Variants in CCR3 observed in about 807,000 individuals in gnomAD.
CCR3 encodes the protein C-C motif chemokine receptor 3.
For missense variants in CCR3, 419 were observed against 437.5 expected, an observed-to-expected ratio of 0.96 and a Z score of 0.38; for synonymous variants, 203 against 179.2, an observed-to-expected ratio of 1.13 and a Z score of -1.06.
At chr3:46,246,969 G>C (rs1323862039) in intron 1 of CCR3, among the ~76,000 whole-genome samples, 1 of 151,964 alleles carries the variant, frequency 6.6e-6, no homozygotes, top group East Asian at 1.9e-4. Flanking sequence ...AATGATTGGT[G>C]ATGGCCTGGA....
At position 46,266,287 on chromosome 3, in the gene CCR3, C is replaced by G. The variant is rs1022542549; in HGVS notation, c.*61C>G. ...AAGGAGATGAAGCAAACACATTAAGCCTTCCACACTCACCTCTAAAACAGT... is the reference window on the plus strand; with the variant it reads ...AAGGAGATGAAGCAAACACATTAAGGCTTCCACACTCACCTCTAAAACAGT... On this transcript the variant is annotated 3_prime_UTR_variant, in exon 2 of 2. Transcript: ENST00000395940. 4 of 1,030,158 alleles carry G rather than the reference C, an allele frequency of 3.9e-6. No homozygotes were observed. The African/African-American group carries it at 4.8e-5, about 12-fold the overall frequency. 63.8% of individuals were successfully genotyped at this position (1,030,158 alleles called of 1,614,324 possible).
At chr3:46,227,561 T>C (rs1440283288) in intron 2 of CCR3, among the ~76,000 whole-genome samples, 1 of 152,154 alleles carries the variant, frequency 6.6e-6, no homozygotes, top group African/African-American at 2.4e-5. Context: ...TCCTTTCTAC[T>C]TGTTTTGAGT....
At chr3:46,246,682 T>G (rs1700197386) in intron 1 of CCR3, among the ~76,000 whole-genome samples, 1 of 152,126 alleles carries the variant, frequency 6.6e-6, no homozygotes, top group Non-Finnish European at 1.5e-5. Flanking sequence ...TATGTGCAAG[T>G]CACAGGGGAT....
chr3:46,212,932 C>G (rs908903695), intron 2 of CCR3, among the ~76,000 whole-genome samples: 1 of 152,162 alleles, frequency 6.6e-6, no homozygotes, highest in African/African-American at 2.4e-5. Flanking sequence ...AGGGGGAGAC[C>G]TGTGTTGAAA....
intron 1 of CCR3, among the ~76,000 whole-genome samples, chr3:46,262,804 G>A (rs1479199838): frequency 2.6e-5 from 4 of 152,000 alleles, no homozygotes; most frequent in Non-Finnish European, 2.9e-5. Flanking sequence ...ACACGTATGC[G>A]CCACCATGCC....
chr3:46,212,775 G>A (rs977339611), intron 2 of CCR3, among the ~76,000 whole-genome samples: 4 of 152,122 alleles, frequency 2.6e-5, no homozygotes, highest in African/African-American at 9.7e-5. Context: ...GTGAAAGAGG[G>A]CATTGGGCAC....
At chr3:46,222,853 G>A (rs1273913143) in intron 2 of CCR3, among the ~76,000 whole-genome samples, 1 of 152,224 alleles carries the variant, frequency 6.6e-6, no homozygotes, top group East Asian at 1.9e-4. Context: ...TTCAGCCGAT[G>A]GGAGCTACGT....
intron 2 of CCR3, among the ~76,000 whole-genome samples, chr3:46,224,405 T>C (rs1466263864): frequency 6.6e-6 from 1 of 151,306 alleles, no homozygotes; most frequent in African/African-American, 2.4e-5. Flanking sequence ...AGGACCAGCC[T>C]GGCTAACACC....
chr3:46,231,586 T>A (rs1032583290), intron 2 of CCR3, among the ~76,000 whole-genome samples: 2 of 152,204 alleles, frequency 1.3e-5, no homozygotes, highest in African/African-American at 4.8e-5. Flanking sequence ...CAACACTGCA[T>A]CGTATACTTA....
chr3:46,249,541 G>C (rs886830131), intron 1 of CCR3, among the ~76,000 whole-genome samples: 1 of 152,110 alleles, frequency 6.6e-6, no homozygotes, highest in Non-Finnish European at 1.5e-5. Context: ...ATGGTCTATG[G>C]GGCTTCCGAG....
At position 46,265,410 on chromosome 3, in the gene CCR3, C is replaced by T. The variant is rs112229758; in HGVS notation, c.252C>T (p.Leu84=). The part of the protein sequence containing the change: ...LNLAISDLLF[L]VTLPFWIHYV... ...TGGCCATTTCGGACCTGCTCTTCCTCGTCACCCTTCCATTCTGGATCCACT... is the reference window on the plus strand; with the variant it reads ...TGGCCATTTCGGACCTGCTCTTCCTTGTCACCCTTCCATTCTGGATCCACT... The change falls in exon 2 of 2, where the codon CTC becomes CTT. Residue 84 remains leucine (L), a synonymous_variant. Transcript: ENST00000395940. 10 of 1,614,184 alleles carry T rather than the reference C, an allele frequency of 6.2e-6. No homozygotes were observed. The highest frequency in any genetic ancestry group is 1.6e-4 in the Middle Eastern group (1 of 6,062).
intron 1 of CCR3, among the ~76,000 whole-genome samples, chr3:46,243,963 T>C (rs2125927799): frequency 6.6e-6 from 1 of 152,338 alleles, no homozygotes; most frequent in Non-Finnish European, 1.5e-5. Context: ...TTCTTTCTTT[T>C]AGATCTTCTC....
Position 46,265,680 on chromosome 3 carries a change from T to C in CCR3, c.522T>C (p.Thr174=). Reference sequence around the variant, plus strand: ...TTCCTGAATTTATCTTCTATGAGACTGAAGAGTTGTTTGAAGAGACTCTTT... The same window carrying C: ...TTCCTGAATTTATCTTCTATGAGACCGAAGAGTTGTTTGAAGAGACTCTTT... The part of the protein sequence containing the change: ...AALPEFIFYE[T]EELFEETLCS... The change falls in exon 2 of 2, where the codon ACT becomes ACC. Residue 174 remains threonine, a synonymous_variant. Transcript: ENST00000395940. The C allele has an allele frequency of 1.9e-6, 3 of 1,614,118 alleles. No individual in the cohort carries two copies. The highest frequency in any genetic ancestry group is 1.7e-6 in the Non-Finnish European group (2 of 1,179,980).
At chr3:46,226,918 C>T (rs1427634648) in intron 2 of CCR3, among the ~76,000 whole-genome samples, 1 of 151,986 alleles carries the variant, frequency 6.6e-6, no homozygotes, top group Non-Finnish European at 1.5e-5. Flanking sequence ...TTTGCCCAGG[C>T]TGGAGTGCAG....
intron 1 of CCR3, among the ~76,000 whole-genome samples, chr3:46,249,151 G>T (rs1177977273): frequency 2.0e-5 from 3 of 152,078 alleles, no homozygotes; most frequent in African/African-American, 4.8e-5. Flanking sequence ...TATACTTGTG[G>T]GTTAAGGTGG....
intron 2 of CCR3, among the ~76,000 whole-genome samples, chr3:46,212,087 C>T (rs1699721226): frequency 6.6e-6 from 1 of 152,142 alleles, no homozygotes; most frequent in African/African-American, 2.4e-5. Context: ...TTTGACTTGG[C>T]CCTGTTTCTG....
intron 2 of CCR3, among the ~76,000 whole-genome samples, chr3:46,214,106 A>G (rs1456789114): frequency 6.6e-6 from 1 of 152,224 alleles, no homozygotes; most frequent in Non-Finnish European, 1.5e-5. Context: ...CTTAATGCCC[A>G]TCAACTGCAT....
intron 2 of CCR3, among the ~76,000 whole-genome samples, chr3:46,226,479 C>T (rs762353750): frequency 3.0e-4 from 46 of 152,290 alleles, no homozygotes; most frequent in Non-Finnish European, 5.7e-4. Context: ...TTAATTTTGG[C>T]TTCCACATGT....
rs762736273 is a variant in CCR3, at chr3:46,265,943, C to T, written c.785C>T (p.Ser262Phe). The change falls in exon 2 of 2, where the codon TCT becomes TTT. Residue 262 changes from serine to phenylalanine, a missense_variant. Transcript: ENST00000395940. ...WTPYNVAILL[S>F]SYQSILFGND... ...CCCTACAATGTGGCTATCCTTCTCTCTTCCTATCAATCCATCTTATTTGGA... is the reference window on the plus strand; with the variant it reads ...CCCTACAATGTGGCTATCCTTCTCTTTTCCTATCAATCCATCTTATTTGGA... 1.2e-6 allele frequency: 2 copies of T among 1,614,156 alleles called. No homozygotes were observed. Among genetic ancestry groups the T allele is most frequent in the East Asian group, 2.2e-5 (1 of 44,878 alleles).
Sources: allele counts gnomAD v4.1 joint callset (sites outside exome capture counted in the v4.1 genomes callset), GRCh38; gene constraint gnomAD v4.1.1; transcripts MANE v1.5; gene names NCBI Gene and HGNC (gene_info 2026-07-23, HGNC 2026-07-21).